OSBPL10: variants seen among roughly 807,000 people sequenced by gnomAD.
OSBPL10 encodes oxysterol-binding protein-related protein 10.
OSBPL10 carries 49 observed loss-of-function variants against 81.7 expected under a neutral mutation model. That is an observed-to-expected ratio of 0.60 (90% CI 0.48 to 0.76). The LOEUF is 0.76. OSBPL10 is among the 30% of genes least tolerant of loss of function. The pLI is 0.00. For missense variants in OSBPL10, 923 were observed against 987.8 expected, an observed-to-expected ratio of 0.93 and a Z score of 0.88; for synonymous variants, 419 against 383.6, an observed-to-expected ratio of 1.09 and a Z score of -1.08.
At chr3:32,039,910 G>A (rs1032920798) in intron 2 of OSBPL10, among the ~76,000 whole-genome samples, 5 of 152,072 alleles carry the variant, frequency 3.3e-5, no homozygotes, top group African/African-American at 1.2e-4. Context: ...CTCACGGATA[G>A]GTGTGAAAAT....
intron 4 of OSBPL10, chr3:31,794,553 A>G: frequency 2.9e-6 from 1 of 350,842 alleles, no homozygotes; most frequent in Non-Finnish European, 5.7e-6. Flanking sequence ...CCCAGAAGAA[A>G]TGGAGTCTCC....
intron 4 of OSBPL10, among the ~76,000 whole-genome samples, chr3:31,790,524 T>G (rs1278947199): frequency 1.3e-5 from 2 of 152,188 alleles, no homozygotes; most frequent in Non-Finnish European, 2.9e-5. Context: ...CACCATCTGC[T>G]AATTAAAAAA....
chr3:31,961,264 A>G (rs1698152454), intron 1 of OSBPL10, among the ~76,000 whole-genome samples: 1 of 152,138 alleles, frequency 6.6e-6, no homozygotes, highest in South Asian at 2.1e-4. Flanking sequence ...ATCACGAGTC[A>G]CCAAACAAGA....
At chr3:31,746,908 G>A in intron 5 of OSBPL10, among the ~76,000 whole-genome samples, 1 of 151,960 alleles carries the variant, frequency 6.6e-6, no homozygotes, top group Non-Finnish European at 1.5e-5. Flanking sequence ...ACACCAACAT[G>A]GCACATGTAT....
At chr3:31,899,906 A>G (rs1696182297) in intron 1 of OSBPL10, among the ~76,000 whole-genome samples, 1 of 152,194 alleles carries the variant, frequency 6.6e-6, no homozygotes, top group Non-Finnish European at 1.5e-5. Context: ...ACTACAATTA[A>G]AAGCACCTTA....
At chr3:31,769,980 T>C (rs1698328102) in intron 4 of OSBPL10, among the ~76,000 whole-genome samples, 1 of 152,168 alleles carries the variant, frequency 6.6e-6, no homozygotes, top group Non-Finnish European at 1.5e-5. Flanking sequence ...CCACAAAATA[T>C]ATTTGATGAC....
chr3:31,663,454 C>T (rs1700114344), intron 11 of OSBPL10: 2 of 987,616 alleles, frequency 2.0e-6, no homozygotes, highest in Non-Finnish European at 2.4e-6. Context: ...CTTCCCAATC[C>T]CTCCACAACT....
intron 1 of OSBPL10, among the ~76,000 whole-genome samples, chr3:32,073,897 C>T (rs150086979): frequency 5.9e-5 from 9 of 152,264 alleles, no homozygotes; most frequent in African/African-American, 1.2e-4. Flanking sequence ...CCAATACTTC[C>T]GCCCTGATGA....
intron 1 of OSBPL10, among the ~76,000 whole-genome samples, chr3:31,976,030 G>A (rs563882480): frequency 6.6e-6 from 1 of 152,280 alleles, no homozygotes; most frequent in East Asian, 1.9e-4. Flanking sequence ...AGGCTGGGAA[G>A]GGGAGCTGTA....
At chr3:31,797,911 T>C in intron 4 of OSBPL10, 1 of 408,142 alleles carries the variant, frequency 2.5e-6, no homozygotes. Context: ...ACTCTCAACC[T>C]GGAACCCACT....
At chr3:31,769,562 TATATTATA>T (rs1698313392) in intron 4 of OSBPL10, among the ~76,000 whole-genome samples, 1 of 145,830 alleles carries the variant, frequency 6.9e-6, no homozygotes, top group Non-Finnish European at 1.5e-5. Context: ...AATATATTTT[TATATTATA>T]ACTCATTATA....
intron 3 of OSBPL10, among the ~76,000 whole-genome samples, chr3:31,839,150 C>T (rs1253507134): frequency 6.6e-6 from 1 of 152,200 alleles, no homozygotes; most frequent in East Asian, 1.9e-4. Context: ...AAACCACTGC[C>T]TCTTCCCTGA....
At chr3:31,934,392 A>C (rs1697329256) in intron 1 of OSBPL10, among the ~76,000 whole-genome samples, 1 of 149,880 alleles carries the variant, frequency 6.7e-6, no homozygotes, top group Admixed American at 6.7e-5. Flanking sequence ...ATAGTCAAAG[A>C]CCATCAGAAA....
chr3:31,749,933 C>G (rs1419082344), intron 4 of OSBPL10, among the ~76,000 whole-genome samples: 1 of 152,122 alleles, frequency 6.6e-6, no homozygotes, highest in African/African-American at 2.4e-5. Flanking sequence ...GTAATCCCAA[C>G]ACTTTGGGAG....
At chr3:31,874,457 T>C (rs573523087) in intron 3 of OSBPL10, among the ~76,000 whole-genome samples, 98 of 151,956 alleles carry the variant, frequency 6.4e-4, no homozygotes, top group African/African-American at 2.3e-3. Context: ...TAGGAGAAAA[T>C]ATCAACAGTA....
At chr3:32,063,020 T>C (rs1015830874) in intron 1 of OSBPL10, among the ~76,000 whole-genome samples, 6 of 93,760 alleles carry the variant, frequency 6.4e-5, no homozygotes, top group African/African-American at 1.6e-4. Context: ...GTTTAGGTAC[T>C]GAAAATATTT....
At chr3:31,828,572 G>A (rs915262365) in intron 4 of OSBPL10, among the ~76,000 whole-genome samples, 7 of 152,156 alleles carry the variant, frequency 4.6e-5, no homozygotes, top group Non-Finnish European at 7.4e-5. Context: ...TCACTCTGCT[G>A]CCCAGGCTGG....
At chr3:31,934,565 C>T (rs996165532) in intron 1 of OSBPL10, among the ~76,000 whole-genome samples, 3 of 152,034 alleles carry the variant, frequency 2.0e-5, no homozygotes, top group Admixed American at 6.5e-5. Context: ...TGCCACCACA[C>T]CCAGCTAATT....
Position 31,810,213 on chromosome 3 carries a change from A to G in OSBPL10, c.729+19827T>C, listed in dbSNP as rs189618829. Reference sequence around the variant, plus strand: ...CCAAATTTCTTATTTAAAAAAAGTCAAAACAGTAAAGCCATAATGATTGAA... The same window carrying G: ...CCAAATTTCTTATTTAAAAAAAGTCGAAACAGTAAAGCCATAATGATTGAA... On this transcript the variant is annotated intron_variant, in intron 4 of 11. Coordinates refer to ENST00000396556, the MANE Select transcript of OSBPL10 (RefSeq NM_017784.5). Among the ~76,000 whole-genome samples the G allele has an allele frequency of 1.2e-3, 179 of 152,304 alleles. No individual in the cohort carries two copies. In the East Asian group the frequency reaches 0.025, roughly 21 times the overall value.
Sources: gnomAD v4.1 joint callset for allele counts (sites outside exome capture counted in the v4.1 genomes callset) on GRCh38, gnomAD v4.1.1 for gene constraint, MANE v1.5 for transcripts, NCBI Gene and HGNC (gene_info 2026-07-23, HGNC 2026-07-21) for gene names.